Variants in ATP10D observed in about 807,000 individuals in gnomAD.
The protein encoded by ATP10D is phospholipid-transporting ATPase VD.
In ATP10D, 89 loss-of-function variants were observed where a neutral mutation model predicts 144.8. The observed-to-expected ratio is 0.61, with a 90% CI of 0.52 to 0.73. The LOEUF is 0.73. Among genes scored for constraint, ATP10D ranks in the 30% least tolerant of loss-of-function variants. The pLI is 0.00. For synonymous variants in ATP10D, 571 were observed against 615.1 expected (o/e 0.93, Z 1.06); for missense variants, 1,603 against 1,714.8 (o/e 0.93, Z 1.15).
At chr4:47,502,968 GA>G (rs1715790164) in intron 1 of ATP10D, among the ~76,000 whole-genome samples, 1 of 152,112 alleles carries the variant, frequency 6.6e-6, no homozygotes, top group Non-Finnish European at 1.5e-5. Flanking sequence ...TTGGGAGGCT[GA>G]GGCAGGCAGA....
intron 15 of ATP10D, among the ~76,000 whole-genome samples, chr4:47,564,894 TTTCTTCAGGATCAC>T (rs1371482004): frequency 1.3e-5 from 2 of 152,176 alleles, no homozygotes; most frequent in Admixed American, 1.3e-4. Flanking sequence ...TTGTGGAGCT[TTTCTTCAGGATCAC>T]TTCTTGAGCT....
chr4:47,574,112 A>C (rs1444502455), intron 18 of ATP10D, among the ~76,000 whole-genome samples: 2 of 152,180 alleles, frequency 1.3e-5, no homozygotes, highest in African/African-American at 4.8e-5. Flanking sequence ...CCCCTCTCCC[A>C]AGTTTTTATT....
Position 47,587,061 on chromosome 4 carries a change from T to G in ATP10D, c.3796T>G (p.Tyr1266Asp). The change falls in exon 22 of 23, where the codon TAT becomes GAT. Residue 1266 changes from tyrosine (Y) to aspartate (D), a missense_variant. Coordinates refer to ENST00000273859, the MANE Select transcript of ATP10D (RefSeq NM_020453.4). ...GGTCATCATTGGTAGCATCTTGTCT[T>G]ATTTTTTATTTGCCATAGTTTTTGG... The part of the protein sequence containing the change: ...LLVIIGSILS[Y>D]FLFAIVFGAM... 6.2e-7 allele frequency: 1 copy of G among 1,614,106 alleles called. No individual in the cohort carries two copies. The highest frequency in any genetic ancestry group is 8.5e-7 in the Non-Finnish European group (1 of 1,179,954).
At chr4:47,495,819 C>T (rs1303805738) in intron 1 of ATP10D, among the ~76,000 whole-genome samples, 1 of 151,662 alleles carries the variant, frequency 6.6e-6, no homozygotes, top group Non-Finnish European at 1.5e-5. Flanking sequence ...CTCACTGCAA[C>T]CTCCATCTCC....
chr4:47,504,593 C>T (rs954625587), intron 1 of ATP10D, among the ~76,000 whole-genome samples: 12 of 151,852 alleles, frequency 7.9e-5, no homozygotes, highest in Non-Finnish European at 1.5e-4. Flanking sequence ...GATGGAGTCT[C>T]ACTCTGTGGC....
rs750135991 is a variant in ATP10D at position 47,523,219 on chromosome 4, A to G, written c.690+3A>G. The G allele has an allele frequency of 5.1e-5, 82 of 1,612,480 alleles. No homozygotes were observed. The Middle Eastern group carries it at 2.8e-3, about 56-fold the overall frequency. On this transcript the variant is annotated splice_donor_region_variant and intron_variant, in intron 4 of 22. Coordinates refer to ENST00000273859, the MANE Select transcript of ATP10D (RefSeq NM_020453.4). ...TGGTTCGGGGATATGCAGAACAGGT[A>G]AGTCATATGTTCTCAGTTAGTGGCT...
chr4:47,505,208 A>C (rs536199733), intron 1 of ATP10D, among the ~76,000 whole-genome samples: 26 of 152,252 alleles, frequency 1.7e-4, no homozygotes, highest in Non-Finnish European at 3.4e-4. Flanking sequence ...AGCTGAGGTT[A>C]CACATTCAAA....
At chr4:47,501,045 T>C (rs570212182) in intron 1 of ATP10D, among the ~76,000 whole-genome samples, 3 of 151,616 alleles carry the variant, frequency 2.0e-5, no homozygotes, top group Non-Finnish European at 4.4e-5. Context: ...ACAGAGTACA[T>C]AGAGCTTTAC....
intron 9 of ATP10D, among the ~76,000 whole-genome samples, chr4:47,538,694 A>G (rs189598865): frequency 3.3e-5 from 5 of 152,182 alleles, no homozygotes; most frequent in African/African-American, 1.2e-4. Flanking sequence ...GGTATTTCGC[A>G]GAATTCAGTG....
intron 1 of ATP10D, among the ~76,000 whole-genome samples, chr4:47,498,566 C>T (rs1337462097): frequency 6.6e-6 from 1 of 152,194 alleles, no homozygotes; most frequent in Non-Finnish European, 1.5e-5. Context: ...AAGGAACCTA[C>T]CTACTTCTTC....
In ATP10D at chr4:47,536,535, AT is replaced by A; in HGVS notation, c.1115del (p.Met372SerfsTer5). 1 of 1,613,510 alleles carries A rather than the reference AT, an allele frequency of 6.2e-7. No individual in the cohort carries two copies. The highest frequency in any genetic ancestry group is 8.5e-7 in the Non-Finnish European group (1 of 1,179,682). On this transcript the variant is annotated frameshift_variant, in exon 8 of 23. Transcript: ENST00000273859. LOFTEE classifies it high-confidence loss of function. ...IISPLLAGFYMFWTMIILLQV... is the reference protein window; with the variant it reads ...IISPLLAGFYXFWTMIILLQV... The stretch of plus-strand genomic sequence containing the variant: ...ATCACCACTGTTGGCAGGATTTTAT[AT>A]GTTTTGGACCATGATCATTTTGTTA...
chr4:47,571,973 T>A (rs985179780), intron 16 of ATP10D, among the ~76,000 whole-genome samples, 181 bp from the exon 17 acceptor site: 9 of 152,180 alleles, frequency 5.9e-5, no homozygotes, highest in Non-Finnish European at 1.2e-4. Flanking sequence ...AGTTTGGAAT[T>A]CTTCCTGATG....
intron 18 of ATP10D, among the ~76,000 whole-genome samples, chr4:47,573,244 CCTGT>C (rs1324993005): frequency 6.6e-6 from 1 of 152,146 alleles, no homozygotes. Flanking sequence ...TAAATTAAGT[CCTGT>C]CTGTTTCATT....
intron 1 of ATP10D, among the ~76,000 whole-genome samples, chr4:47,488,296 GAAAT>G (rs1577597878): frequency 6.6e-6 from 1 of 151,626 alleles, no homozygotes; most frequent in Admixed American, 6.6e-5. Flanking sequence ...ATATAATTTT[GAAAT>G]AAATATATAA....
intron 3 of ATP10D, among the ~76,000 whole-genome samples, chr4:47,517,852 A>G (rs571717147): frequency 2.5e-4 from 38 of 152,278 alleles, no homozygotes; most frequent in African/African-American, 9.1e-4. Context: ...TTAAAGATGA[A>G]ATGCAGTATT....
At chr4:47,512,865 TC>T in intron 2 of ATP10D, 35 bp downstream of exon 2, 3 of 1,531,048 alleles carry the variant, frequency 2.0e-6, no homozygotes, top group Non-Finnish European at 2.7e-6. Flanking sequence ...CCTTAGAATA[TC>T]ATTCTAGTTG....
intron 18 of ATP10D, among the ~76,000 whole-genome samples, chr4:47,575,887 T>C (rs1053691841): frequency 6.8e-6 from 1 of 147,410 alleles, no homozygotes; most frequent in South Asian, 2.2e-4. Flanking sequence ...TATCCTTACA[T>C]AAAAAGAGAT....
intron 9 of ATP10D, among the ~76,000 whole-genome samples, chr4:47,545,296 T>C (rs1718359248): frequency 6.6e-6 from 1 of 152,228 alleles, no homozygotes; most frequent in African/African-American, 2.4e-5. Context: ...TCTGATCATC[T>C]TGAGTTATTT....
At chr4:47,533,442 T>C (rs1717673146) in intron 5 of ATP10D, among the ~76,000 whole-genome samples, 1 of 152,198 alleles carries the variant, frequency 6.6e-6, no homozygotes, top group African/African-American at 2.4e-5. Flanking sequence ...AAATGATAAA[T>C]CTGTCTTTCT....
Sources: allele counts gnomAD v4.1 joint callset (sites outside exome capture counted in the v4.1 genomes callset), GRCh38; gene constraint gnomAD v4.1.1; transcripts MANE v1.5; gene names NCBI Gene and HGNC (gene_info 2026-07-23, HGNC 2026-07-21).